Variants in NDC80 observed in about 807,000 individuals in gnomAD.
NDC80 encodes kinetochore protein NDC80 homolog.
In NDC80, 69 loss-of-function variants were observed where a neutral mutation model predicts 89.3. The ratio of observed to expected loss-of-function variants is 0.77; its 90% CI spans 0.64 to 0.94. NDC80 has a LOEUF of 0.94. Among genes scored for constraint, NDC80 ranks in the 40% least tolerant of loss-of-function variants. The pLI is 0.00. For synonymous variants in NDC80, 243 were observed against 255.6 expected, an observed-to-expected ratio of 0.95 and a Z score of 0.47; for missense variants, 593 against 739.6, an observed-to-expected ratio of 0.80 and a Z score of 2.30.
At chr18:2,598,323 T>C (rs2072667948) in intron 11 of NDC80, among the ~76,000 whole-genome samples, 1 of 152,262 alleles carries the variant, frequency 6.6e-6, no homozygotes, top group Non-Finnish European at 1.5e-5. Flanking sequence ...GTATCTACTA[T>C]ATGCCAAGCA....
In NDC80 at chr18:2,572,913, T is replaced by C. The variant is rs74986874; in HGVS notation, c.-9-64T>C. On this transcript the variant is annotated intron_variant, in intron 1 of 16. Coordinates refer to ENST00000261597, the MANE Select transcript of NDC80 (RefSeq NM_006101.3). ...GACTGTCTTTCTGTTTAAGGATAAATAGTTGCTTAATGTACCATCTCTGTC... is the reference window on the plus strand; with the variant it reads ...GACTGTCTTTCTGTTTAAGGATAAACAGTTGCTTAATGTACCATCTCTGTC... The C allele has an allele frequency of 0.011, 12,407 of 1,160,432 alleles. 955 individuals are homozygous for C. The African/African-American group carries it at 0.17, about 16-fold the overall frequency. 71.9% of individuals were successfully genotyped at this position (1,160,432 alleles called of 1,614,324 possible). A position where few individuals can be genotyped will look rare whatever the true frequency, so the allele number is the denominator to read the frequency against.
chr18:2,595,632 C>T lies in NDC80; in HGVS notation c.1221+11C>T, dbSNP rs2072651014. 2 of 1,610,334 alleles carry T rather than the reference C, an allele frequency of 1.2e-6. No homozygotes were observed. The highest frequency in any genetic ancestry group is 1.7e-6 in the Non-Finnish European group (2 of 1,177,526). ...AGAGGCAAAGAAGCGGTATGTCATACCATTTCCAGAGTGGCAACTCATCAT... is the reference window on the plus strand; with the variant it reads ...AGAGGCAAAGAAGCGGTATGTCATATCATTTCCAGAGTGGCAACTCATCAT... On this transcript the variant is annotated intron_variant, in intron 11 of 16. Coordinates refer to ENST00000261597, the MANE Select transcript of NDC80 (RefSeq NM_006101.3).
rs2072765948 is a variant in NDC80 at position 2,614,545 on chromosome 18, AAG to A, written c.1792-1891_1792-1890del. On this transcript the variant is annotated intron_variant, in intron 16 of 16. Transcript: ENST00000261597. ...GAAGGAAGGAAGGAAGGAAGGAAGG[AAG>A]GAAGGAAGGAAGGAAGGGAAAGAAA... The A allele has an allele frequency of 4.4e-4, 2 of 4,596 alleles. 1 individual carries two copies. The highest frequency in any genetic ancestry group is 3.2e-3 in the African/African-American group (2 of 634). 0.3% of individuals were successfully genotyped at this position (4,596 alleles called of 1,614,324 possible).
intron 1 of NDC80, among the ~76,000 whole-genome samples, chr18:2,572,555 T>C (rs2072521722): frequency 6.6e-6 from 1 of 152,172 alleles, no homozygotes; most frequent in African/African-American, 2.4e-5. Flanking sequence ...AGGAAACATT[T>C]TGAGGTGAAT....
intron 7 of NDC80, 138 bp downstream of exon 7, chr18:2,585,340 C>T: frequency 1.5e-6 from 1 of 648,310 alleles, no homozygotes. Context: ...GTCAAAAATG[C>T]ATTTAATACA....
Position 2,589,232 on chromosome 18 carries a change from G to T in NDC80, c.792G>T (p.Lys264Asn). 1.9e-6 allele frequency: 3 copies of T among 1,613,250 alleles called. No homozygotes were observed. The highest frequency in any genetic ancestry group is 2.5e-6 in the Non-Finnish European group (3 of 1,179,320). The change falls in exon 9 of 17, where the codon AAG (lysine) becomes AAT (asparagine). Residue 264 changes from lysine to asparagine, a missense_variant. Physicochemically the swap from Lys to Asn is moderately conservative, Grantham distance 94. Coordinates refer to ENST00000261597, the MANE Select transcript of NDC80 (RefSeq NM_006101.3). ...ATTTATTTAATGTGGATGCTTTTAAGCTGGAATCATTAGAAGCAAAAAACA... is the reference window on the plus strand; with the variant it reads ...ATTTATTTAATGTGGATGCTTTTAATCTGGAATCATTAGAAGCAAAAAACA... The part of the protein sequence containing the change: ...LKDLFNVDAF[K>N]LESLEAKNRA...
rs779745008 is a variant in NDC80, at chr18:2,610,876, G to C, written c.1791+15G>C. ...GGTCTGTAGAGGTAAGTATGTGATG[G>C]TCTTTCCTACGTTCTAAGAAAGGTT... On this transcript the variant is annotated intron_variant, in intron 16 of 16. Coordinates refer to ENST00000261597, the MANE Select transcript of NDC80 (RefSeq NM_006101.3). 4 of 1,418,976 alleles carry C rather than the reference G, an allele frequency of 2.8e-6. No individual in the cohort carries two copies. Among genetic ancestry groups the C allele is most frequent in the Non-Finnish European group, 2.9e-6 (3 of 1,049,032 alleles). The allele number at this position is 1,418,976 out of a possible 1,614,324, so 87.9% of individuals were successfully genotyped here.
chr18:2,572,577 A>G (rs541160633), intron 1 of NDC80, among the ~76,000 whole-genome samples: 3 of 152,348 alleles, frequency 2.0e-5, no homozygotes, highest in African/African-American at 7.2e-5. Flanking sequence ...AGAGAATTTG[A>G]GGTAATTTTT....
At chr18:2,585,411 A>C (rs2072598798) in intron 7 of NDC80, among the ~76,000 whole-genome samples, 1 of 152,220 alleles carries the variant, frequency 6.6e-6, no homozygotes, top group African/African-American at 2.4e-5. Context: ...AGAACAATTA[A>C]ACTAGCTTAC....
chr18:2,595,941 C>A (rs1260974424), intron 11 of NDC80, among the ~76,000 whole-genome samples: 2 of 152,178 alleles, frequency 1.3e-5, no homozygotes, highest in African/African-American at 2.4e-5. Flanking sequence ...CTATTCACTA[C>A]TTAAGCATTA....
At chr18:2,579,214 T>C in intron 6 of NDC80, 185 bp downstream of exon 6, 1 of 393,138 alleles carries the variant, frequency 2.5e-6, no homozygotes, top group African/African-American at 2.1e-5. Context: ...AAAGTACCAA[T>C]TGATAAGGAG....
chr18:2,602,583 C>T (rs1036785696), intron 13 of NDC80, among the ~76,000 whole-genome samples: 11 of 152,112 alleles, frequency 7.2e-5, no homozygotes, highest in African/African-American at 2.7e-4. Flanking sequence ...TGGAGATTCT[C>T]AAAAGGTATG....
In NDC80 at chr18:2,606,413, A is replaced by C. The variant is rs1322834210; in HGVS notation, c.1465-2A>C. On this transcript the variant is annotated splice_acceptor_variant, in intron 13 of 16. Transcript: ENST00000261597. LOFTEE classifies it high-confidence loss of function. ...TTCTCAACCAAAGTTTTATTTCCCC[A>C]GTTGAATGCAATGATAACAGAAAGC... 1 of 1,589,004 alleles carries C rather than the reference A, an allele frequency of 6.3e-7. No homozygotes were observed. Among genetic ancestry groups the C allele is most frequent in the Non-Finnish European group, 8.6e-7 (1 of 1,167,086 alleles).
At chr18:2,579,739 G>A (rs1018227652) in intron 6 of NDC80, among the ~76,000 whole-genome samples, 2 of 152,130 alleles carry the variant, frequency 1.3e-5, no homozygotes, top group African/African-American at 4.8e-5. Context: ...TTGTGATATA[G>A]TTTAAAAGTG....
chr18:2,579,206 A>G (rs2143633985), intron 6 of NDC80, 177 bp downstream of exon 6: 1 of 398,566 alleles, frequency 2.5e-6, no homozygotes, highest in East Asian at 3.6e-5. Flanking sequence ...AAAGGAAGAA[A>G]GTACCAATTG....
intron 9 of NDC80, 33 bp from the exon 10 acceptor site, chr18:2,589,983 AAG>A: frequency 7.3e-7 from 1 of 1,370,732 alleles, no homozygotes; most frequent in Non-Finnish European, 9.8e-7. Context: ...AATGGTTATT[AAG>A]AATAACTAAA....
At chr18:2,616,381 C>A in intron 16 of NDC80, 56 bp from the exon 17 acceptor site, 1 of 1,211,346 alleles carries the variant, frequency 8.3e-7, no homozygotes, top group Non-Finnish European at 1.1e-6. Flanking sequence ...TACAATTAAA[C>A]ATTTTAAAAG....
At chr18:2,599,212 T>TAAAAAA in intron 12 of NDC80, 41 bp downstream of exon 12, 1 of 1,542,530 alleles carries the variant, frequency 6.5e-7, no homozygotes, top group South Asian at 1.2e-5. Flanking sequence ...TTTAATTCTG[T>TAAAAAA]GATTGGTATC....
chr18:2,573,237 C>G (rs1208381339), intron 2 of NDC80, 151 bp downstream of exon 2: 4 of 612,188 alleles, frequency 6.5e-6, no homozygotes, highest in Non-Finnish European at 1.1e-5. Flanking sequence ...TCAATGAAAT[C>G]TAAAAGTGGG....
Sources: allele counts gnomAD v4.1 joint callset (sites outside exome capture counted in the v4.1 genomes callset), GRCh38; gene constraint gnomAD v4.1.1; transcripts MANE v1.5; gene names NCBI Gene and HGNC (gene_info 2026-07-23, HGNC 2026-07-21).